PCDH15: variants seen among roughly 807,000 people sequenced by gnomAD.
PCDH15 encodes protocadherin-15.
In PCDH15, 129 loss-of-function variants were observed where a neutral mutation model predicts 178.5. The observed-to-expected ratio is 0.72, with a 90% CI of 0.63 to 0.84. The LOEUF (loss-of-function observed/expected upper bound fraction) is 0.84, where lower values mean the gene tolerates loss of function less well. Ranked by LOEUF, PCDH15 falls within the 40% of genes least tolerant of loss-of-function variation. The pLI, the probability that PCDH15 is intolerant of heterozygous loss-of-function variation, is 0.00. For synonymous variants in PCDH15, 800 were observed against 732.0 expected, an observed-to-expected ratio of 1.09 and a Z score of -1.50; for missense variants, 2,230 against 2,099.9, an observed-to-expected ratio of 1.06 and a Z score of -1.21.
rs1196401374 is a variant in PCDH15 at position 54,183,578 on chromosome 10, C to T, written c.1456G>A (p.Gly486Ser). 3.1e-6 allele frequency: 5 copies of T among 1,613,860 alleles called. No individual in the cohort carries two copies. The South Asian group carries it at 3.3e-5, about 11-fold the overall frequency. The change falls in exon 13 of 38, where the codon GGT (glycine) becomes AGT (serine). Residue 486 changes from glycine (G) to serine (S), a missense_variant. Gly to Ser is a moderately conservative substitution (Grantham distance 56). Transcript: ENST00000644397. ...TYTFSITAFD[G>S]VQESEPVIVN... ...ATGACTGGCTCACTTTCTTGTACACCATCAAATGCTGTTATCTTTGGGAGG... is the reference window on the plus strand; with the variant it reads ...ATGACTGGCTCACTTTCTTGTACACTATCAAATGCTGTTATCTTTGGGAGG...
chr10:54,082,438 A>G (rs146061808), intron 16 of PCDH15, among the ~76,000 whole-genome samples: 9 of 152,286 alleles, frequency 5.9e-5, no homozygotes, highest in African/African-American at 2.2e-4. Flanking sequence ...AAATATACCC[A>G]CACATCTACA....
chr10:54,532,891 G>T (rs935053139), intron 2 of PCDH15, among the ~76,000 whole-genome samples: 14 of 152,056 alleles, frequency 9.2e-5, no homozygotes, highest in African/African-American at 3.1e-4. Context: ...GTACATGCTA[G>T]GTTCATTGGC....
chr10:55,309,242 C>T (rs146402472), intron 1 of PCDH15, among the ~76,000 whole-genome samples: 26 of 152,264 alleles, frequency 1.7e-4, no homozygotes, highest in South Asian at 6.2e-4. Flanking sequence ...AGGCTGGGTG[C>T]TGTAGCTTAC....
intron 1 of PCDH15, among the ~76,000 whole-genome samples, chr10:55,258,783 A>G (rs1193318787): frequency 8.3e-6 from 1 of 120,216 alleles, no homozygotes; most frequent in South Asian, 2.6e-4. Flanking sequence ...TTTTTTTAAT[A>G]AACAGATATT....
chr10:54,421,834 A>ACACACACAC (rs1565230781), intron 3 of PCDH15, among the ~76,000 whole-genome samples: 9 of 80,740 alleles, frequency 1.1e-4, no homozygotes, highest in South Asian at 3.1e-4. Flanking sequence ...ATATATATAT[A>ACACACACAC]TATACACACA....
chr10:53,855,853 A>G (rs1184082828), intron 28 of PCDH15, among the ~76,000 whole-genome samples: 2 of 147,952 alleles, frequency 1.4e-5, no homozygotes, highest in Non-Finnish European at 3.0e-5. Context: ...ACAAGCATGC[A>G]TGTTCTGCAC....
intron 23 of PCDH15, among the ~76,000 whole-genome samples, chr10:53,952,823 AG>A (rs2087201474): frequency 6.6e-6 from 1 of 152,232 alleles, no homozygotes; most frequent in South Asian, 2.1e-4. Flanking sequence ...TGAGGTGGCA[AG>A]GGGCTGGTAT....
intron 2 of PCDH15, among the ~76,000 whole-genome samples, chr10:54,653,775 A>G (rs771262759): frequency 3.9e-5 from 6 of 152,126 alleles, no homozygotes; most frequent in Non-Finnish European, 7.4e-5. Flanking sequence ...TAACTTGAAA[A>G]CTCAAAATTC....
intron 3 of PCDH15, among the ~76,000 whole-genome samples, chr10:54,482,572 C>G (rs1343148448): frequency 6.6e-6 from 1 of 151,692 alleles, no homozygotes; most frequent in East Asian, 1.9e-4. Flanking sequence ...ACTTGCACCT[C>G]AATTTCTCAG....
chr10:54,927,555 T>C (rs185060410), intron 2 of PCDH15, among the ~76,000 whole-genome samples: 9 of 140,050 alleles, frequency 6.4e-5, no homozygotes, highest in Non-Finnish European at 1.2e-4. Context: ...TCTACTATTA[T>C]TGTGTGAGAG....
At chr10:54,718,269 A>AT (rs879532833) in intron 1 of PCDH15, among the ~76,000 whole-genome samples, 1 of 145,090 alleles carries the variant, frequency 6.9e-6, no homozygotes, top group African/African-American at 2.6e-5. Flanking sequence ...AATAATAATA[A>AT]TAATAAAAAG....
chr10:54,165,111 C>A (rs1024310296), intron 13 of PCDH15, among the ~76,000 whole-genome samples: 5 of 152,084 alleles, frequency 3.3e-5, no homozygotes, highest in African/African-American at 1.2e-4. Flanking sequence ...GCTGGCCAAG[C>A]AAATTGGGGA....
chr10:55,472,508 A>ACT lies in PCDH15; in HGVS notation c.-156+155115_-156+155116dup, dbSNP rs570074720. On this transcript the variant is annotated intron_variant, in intron 2 of 5. Coordinates refer to the PCDH15 transcript ENST00000613346. The stretch of plus-strand genomic sequence containing the variant: ...TTTTTGAATGGCTACCAGAATCCTG[A>ACT]CTCTAATAATAGGTAGAATCCAACA... Among the ~76,000 whole-genome samples the ACT allele has an allele frequency of 2.7e-3, 368 of 134,172 alleles. 2 individuals are homozygous for ACT. Among genetic ancestry groups the ACT allele is most frequent in the Middle Eastern group, 5.0e-3 (1 of 200 alleles). 88.0% of individuals were successfully genotyped at this position (134,172 alleles called of 152,430 possible). A position where few individuals can be genotyped will look rare whatever the true frequency, so the allele number is the denominator to read the frequency against.
At chr10:55,410,623 A>G (rs957407539) in intron 2 of PCDH15, among the ~76,000 whole-genome samples, 2 of 152,140 alleles carry the variant, frequency 1.3e-5, no homozygotes, top group Non-Finnish European at 2.9e-5. Context: ...AGATAATACA[A>G]TGAAACATTT....
At chr10:54,122,288 G>T (rs910126462) in intron 15 of PCDH15, among the ~76,000 whole-genome samples, 1 of 151,874 alleles carries the variant, frequency 6.6e-6, no homozygotes, top group Admixed American at 6.6e-5. Flanking sequence ...CTCGAGAGAC[G>T]CGGAAAAAGC....
intron 25 of PCDH15, among the ~76,000 whole-genome samples, chr10:53,912,913 A>C (rs759995314): frequency 2.7e-4 from 41 of 152,266 alleles, no homozygotes; most frequent in Non-Finnish European, 4.7e-4. Flanking sequence ...TCGGCCAATG[A>C]CTTTCTTCAC....
chr10:55,205,005 G>A (rs564804504), intron 1 of PCDH15, among the ~76,000 whole-genome samples: 10 of 151,944 alleles, frequency 6.6e-5, no homozygotes, highest in Middle Eastern at 6.8e-3. Flanking sequence ...TTTCTGTTTT[G>A]TAAATATTTG....
rs143925942 is a variant in PCDH15, at chr10:55,336,678, C to A, written c.-155-170027G>T. On this transcript the variant is annotated intron_variant, in intron 2 of 5. Coordinates refer to the PCDH15 transcript ENST00000613346. Reference sequence around the variant, plus strand: ...ATAAACAGGGCTTGCTAAATTCCATCCTCTACCCTTTCACCCCCTCATCCC... The same window carrying A: ...ATAAACAGGGCTTGCTAAATTCCATACTCTACCCTTTCACCCCCTCATCCC... Among the ~76,000 whole-genome samples, 3 of 152,164 alleles carry A rather than the reference C, an allele frequency of 2.0e-5. No individual in the cohort carries two copies. In the East Asian group the frequency reaches 5.8e-4, roughly 29 times the overall value.
At position 54,178,923 on chromosome 10, in the gene PCDH15, T is replaced by G. The variant is rs544255604; in HGVS notation, c.1590+4521A>C. On this transcript the variant is annotated intron_variant, in intron 13 of 37. Coordinates refer to ENST00000644397, the MANE Select transcript of PCDH15 (RefSeq NM_001384140.1). The stretch of plus-strand genomic sequence containing the variant: ...CATTAAAAAGTCAGGAAACAACAGG[T>G]GCTGGAGAGGATGTGGAGAAATAGG... Among the ~76,000 whole-genome samples, 64 of 152,120 alleles carry G rather than the reference T, an allele frequency of 4.2e-4. 1 individual carries two copies. Among genetic ancestry groups the G allele is most frequent in the African/African-American group, 1.5e-3 (63 of 41,510 alleles).
Sources: gnomAD v4.1 joint callset for allele counts (sites outside exome capture counted in the v4.1 genomes callset) on GRCh38, gnomAD v4.1.1 for gene constraint, MANE v1.5 for transcripts, NCBI Gene and HGNC (gene_info 2026-07-23, HGNC 2026-07-21) for gene names.